OS9: variants seen among roughly 807,000 people sequenced by gnomAD.
The protein encoded by OS9 is protein OS-9.
In OS9, 58 loss-of-function variants were observed where a neutral mutation model predicts 84.7. That is an observed-to-expected ratio of 0.68 (90% CI 0.55 to 0.85). The LOEUF is 0.85. OS9 is among the 40% of genes least tolerant of loss of function. The pLI, the probability that OS9 is intolerant of heterozygous loss-of-function variation, is 0.00. For missense variants in OS9, 760 were observed against 850.9 expected (o/e 0.89, Z 1.33); for synonymous variants, 278 against 320.8 (o/e 0.87, Z 1.43).
intron 9 of OS9, 57 bp from the exon 10 acceptor site, chr12:57,717,813 A>ATTT (rs377207880): frequency 3.0e-6 from 3 of 1,002,246 alleles, no homozygotes; most frequent in East Asian, 2.8e-5. Flanking sequence ...AAAAAAAAAA[A>ATTT]AAAAAAGAAT....
intron 5 of OS9, among the ~76,000 whole-genome samples, chr12:57,713,931 A>AC (rs1448580976): frequency 6.6e-6 from 1 of 151,608 alleles, no homozygotes; most frequent in Non-Finnish European, 1.5e-5. Context: ...ACATAGCGGG[A>AC]CCCTGTCTCT....
At chr12:57,701,350 AC>A (rs1954021085) in intron 5 of OS9, among the ~76,000 whole-genome samples, 1 of 136,258 alleles carries the variant, frequency 7.3e-6, no homozygotes, top group South Asian at 2.3e-4. Flanking sequence ...ATCTAGGCTC[AC>A]TGCAACCTCG....
At chr12:57,717,331 C>T (rs1954528330) in intron 9 of OS9, among the ~76,000 whole-genome samples, 1 of 152,232 alleles carries the variant, frequency 6.6e-6, no homozygotes, top group Admixed American at 6.5e-5. Flanking sequence ...AGGCAGGGAC[C>T]ATGTCCTTCC....
chr12:57,720,012 G>C, intron 12 of OS9, 87 bp from the exon 13 acceptor site: 1 of 1,262,532 alleles, frequency 7.9e-7, no homozygotes, highest in Non-Finnish European at 1.1e-6. Flanking sequence ...AAAGCCAACT[G>C]ATGTTTTAGG....
At chr12:57,695,380 A>G (rs1953794371) in intron 2 of OS9, 1 of 401,430 alleles carries the variant, frequency 2.5e-6, no homozygotes, top group South Asian at 2.1e-5. Context: ...TCTTGTTCAC[A>G]GTTGTATTCC....
chr12:57,709,883 C>T (rs1420323017), intron 5 of OS9, among the ~76,000 whole-genome samples: 6 of 151,320 alleles, frequency 4.0e-5, no homozygotes, highest in Non-Finnish European at 7.4e-5. Context: ...GACAGAGTCT[C>T]ACTATGTCAC....
At chr12:57,697,944 C>T (rs1291285708) in intron 5 of OS9, among the ~76,000 whole-genome samples, 1 of 150,704 alleles carries the variant, frequency 6.6e-6, no homozygotes, top group African/African-American at 2.4e-5. Flanking sequence ...CACACACACA[C>T]ACACACACAC....
intron 1 of OS9, 147 bp from the exon 2 acceptor site, chr12:57,694,603 C>G (rs1595022240): frequency 1.2e-6 from 1 of 841,226 alleles, no homozygotes; most frequent in East Asian, 2.6e-5. Flanking sequence ...GCCCTCTCCT[C>G]TCACCCACTA....
At chr12:57,703,835 C>T (rs536781191) in intron 5 of OS9, among the ~76,000 whole-genome samples, 2 of 152,010 alleles carry the variant, frequency 1.3e-5, no homozygotes, top group East Asian at 1.9e-4. Flanking sequence ...TCTAAAACTT[C>T]CAGTATTATG....
intron 5 of OS9, among the ~76,000 whole-genome samples, chr12:57,711,556 A>C (rs1595054529): frequency 6.6e-6 from 1 of 152,088 alleles, no homozygotes; most frequent in Non-Finnish European, 1.5e-5. Context: ...CATGTTGACC[A>C]GGATGGCCTT....
intron 5 of OS9, among the ~76,000 whole-genome samples, chr12:57,711,072 T>C (rs982471335): frequency 6.7e-6 from 1 of 148,900 alleles, no homozygotes; most frequent in African/African-American, 2.5e-5. Context: ...GAGAAAAATA[T>C]TTCCTCCCAT....
At chr12:57,716,369 C>A in intron 7 of OS9, 43 bp from the exon 8 acceptor site, 1 of 1,480,018 alleles carries the variant, frequency 6.8e-7, no homozygotes, top group Non-Finnish European at 9.2e-7. Flanking sequence ...TTCTGTCTCA[C>A]CCCTCCTGTC....
intron 3 of OS9, 35 bp from the exon 4 acceptor site, chr12:57,695,927 A>T: frequency 6.3e-7 from 1 of 1,585,678 alleles, no homozygotes; most frequent in African/African-American, 1.3e-5. Context: ...CCTCCTCTTA[A>T]GAGTAACAGT....
Position 57,718,161 on chromosome 12 carries a change from G to A in OS9, c.1150G>A (p.Gly384Ser), listed in dbSNP as rs548432385. 45 of 1,613,874 alleles carry A rather than the reference G, an allele frequency of 2.8e-5. No individual in the cohort carries two copies. The South Asian group carries it at 4.8e-4, about 17-fold the overall frequency. The change falls in exon 11 of 15, where the codon GGC becomes AGC. Residue 384 changes from glycine (G) to serine (S), a missense_variant. Coordinates refer to ENST00000315970, the MANE Select transcript of OS9 (RefSeq NM_006812.4). ...GGTKKGKPNI[G>S]QEQPVDDAAE... is the part of the protein sequence containing the mutation. ...ACCCACCCAGGGGAAGCCAAATATA[G>A]GCCAAGAGCAGCCTGTGGATGATGC...
At chr12:57,715,197 C>CTACAAAAA (rs1312715320) in intron 5 of OS9, among the ~76,000 whole-genome samples, 18 of 152,114 alleles carry the variant, frequency 1.2e-4, no homozygotes, top group African/African-American at 4.1e-4. Context: ...AACCCTGTCT[C>CTACAAAAA]TACAAAAATA....
chr12:57,697,132 G>A (rs1477240879), intron 5 of OS9, among the ~76,000 whole-genome samples: 1 of 152,232 alleles, frequency 6.6e-6, no homozygotes, highest in African/African-American at 2.4e-5. Context: ...GTGCTGGTAA[G>A]TGTTGGACCC....
rs147109966 is a variant in OS9, at chr12:57,706,720, A to G, written c.580-9040A>G. 2.5e-3 allele frequency among the ~76,000 whole-genome samples: 386 copies of G among 152,080 alleles called. 1 individual carries two copies. The highest frequency in any genetic ancestry group is 9.0e-3 in the African/African-American group (372 of 41,482). ...TTAAATTAGCCTGATGTGGTGGTGT[A>G]CACCTGTAGTCCCAGTTACTTGGGA... On this transcript the variant is annotated intron_variant, in intron 5 of 14. Coordinates refer to ENST00000315970, the MANE Select transcript of OS9 (RefSeq NM_006812.4).
chr12:57,719,306 G>GA, intron 12 of OS9, 124 bp downstream of exon 12: 1 of 759,294 alleles, frequency 1.3e-6, no homozygotes, highest in Admixed American at 2.8e-5. Context: ...CCACTTTCTG[G>GA]AACACTGTCC....
Position 57,721,302 on chromosome 12 carries a change from C to G in OS9, c.*393C>G. On this transcript the variant is annotated 3_prime_UTR_variant, in exon 15 of 15. Coordinates refer to ENST00000315970, the MANE Select transcript of OS9 (RefSeq NM_006812.4). ...ACTTAGCAGGCACTGAGCAAGCAGG[C>G]CCCCACCTGCCCTTAGTGATGTTTG... 1 of 191,718 alleles carries G rather than the reference C, an allele frequency of 5.2e-6. No individual in the cohort carries two copies. Among genetic ancestry groups the G allele is most frequent in the South Asian group, 8.4e-5 (1 of 11,862 alleles). 11.9% of individuals were successfully genotyped at this position (191,718 alleles called of 1,614,324 possible).
Sources: allele counts gnomAD v4.1 joint callset (sites outside exome capture counted in the v4.1 genomes callset), GRCh38; gene constraint gnomAD v4.1.1; transcripts MANE v1.5; gene names NCBI Gene and HGNC (gene_info 2026-07-23, HGNC 2026-07-21).